The following AMBRA1 variants were observed in gnomAD, a reference collection of about 807,000 sequenced individuals.
AMBRA1 encodes the protein activating molecule in BECN1-regulated autophagy protein 1.
Under a neutral mutation model 125.4 loss-of-function variants are expected in AMBRA1, and 47 were observed. The ratio of observed to expected loss-of-function variants is 0.37; its 90% CI spans 0.30 to 0.48. The LOEUF is 0.48. Ranked by LOEUF, AMBRA1 falls within the 20% of genes least tolerant of loss-of-function variation. The pLI is 0.99. For missense variants in AMBRA1, 1,331 were observed against 1,693.4 expected, an observed-to-expected ratio of 0.79 and a Z score of 3.76; for synonymous variants, 626 against 655.5, an observed-to-expected ratio of 0.95 and a Z score of 0.69.
chr11:46,438,103 C>A (rs1028046875), intron 12 of AMBRA1, among the ~76,000 whole-genome samples: 2 of 152,104 alleles, frequency 1.3e-5, no homozygotes, highest in African/African-American at 4.8e-5. Flanking sequence ...GCATCTCCAG[C>A]AACTGGCTTT....
At chr11:46,448,466 T>C (rs1284883793) in intron 11 of AMBRA1, among the ~76,000 whole-genome samples, 1 of 152,136 alleles carries the variant, frequency 6.6e-6, no homozygotes, top group Non-Finnish European at 1.5e-5. Flanking sequence ...GTGAAAGCAG[T>C]GCTTAGAGGG....
At position 46,397,268 on chromosome 11, in the gene AMBRA1, C is replaced by CCTTGCCT. The variant is rs1423020684; in HGVS notation, c.*181_*182insAGGCAAG. On this transcript the variant is annotated 3_prime_UTR_variant, in exon 18 of 18. Coordinates refer to ENST00000683756, the MANE Select transcript of AMBRA1 (RefSeq NM_001387011.1). ...CCTGGAAGGTTCTAGTTCCCCGAGG[C>CCTTGCCT]AGGCCTTGCCCATTTGACTGTCTTG... 1.3e-6 allele frequency: 1 copy of CCTTGCCT among 765,070 alleles called. No homozygotes were observed. Among genetic ancestry groups the CCTTGCCT allele is most frequent in the African/African-American group, 1.8e-5 (1 of 55,898 alleles). 47.4% of individuals were successfully genotyped at this position (765,070 alleles called of 1,614,324 possible).
At chr11:46,576,318 G>A (rs2043959741) in intron 1 of AMBRA1, among the ~76,000 whole-genome samples, 1 of 152,116 alleles carries the variant, frequency 6.6e-6, no homozygotes, top group Non-Finnish European at 1.5e-5. Context: ...TTTGTAGACG[G>A]GGTCTCCGTA....
intron 1 of AMBRA1, among the ~76,000 whole-genome samples, chr11:46,565,008 C>T (rs1200048191): frequency 6.6e-6 from 1 of 152,068 alleles, no homozygotes. Context: ...TGTAATCCCA[C>T]CACTTTAGGA....
rs59904013 is a variant in AMBRA1, at chr11:46,527,477, CAAA to C, written c.2072+14465_2072+14467del. 4.2e-4 allele frequency among the ~76,000 whole-genome samples: 11 copies of C among 25,936 alleles called. No individual in the cohort carries two copies. The East Asian group carries it at 8.2e-3, about 19-fold the overall frequency. 17.0% of individuals were successfully genotyped at this position (25,936 alleles called of 152,430 possible). On this transcript the variant is annotated intron_variant, in intron 7 of 17. Transcript: ENST00000683756. ...CCTAGGTGACAAAGTGAGACTGTCT[CAAA>C]AAAAAAAAAAAAAAAAAAAAAAAAG...
chr11:46,487,245 G>A (rs979808334), intron 11 of AMBRA1, among the ~76,000 whole-genome samples: 4 of 150,978 alleles, frequency 2.6e-5, no homozygotes, highest in Non-Finnish European at 5.9e-5. Context: ...GCAACAGAGC[G>A]AGACCCCATC....
chr11:46,512,943 C>A, intron 7 of AMBRA1, 130 bp from the exon 8 acceptor site: 1 of 728,746 alleles, frequency 1.4e-6, no homozygotes, highest in Non-Finnish European at 2.2e-6. Flanking sequence ...TATCTGGGAT[C>A]ACACCCTTCT....
chr11:46,503,656 T>C (rs1950925862), intron 9 of AMBRA1, among the ~76,000 whole-genome samples: 1 of 152,200 alleles, frequency 6.6e-6, no homozygotes, highest in African/African-American at 2.4e-5. Context: ...TGCCTGTATT[T>C]GGTCACAATG....
chr11:46,470,233 G>A (rs1949524113), intron 11 of AMBRA1, among the ~76,000 whole-genome samples: 1 of 152,016 alleles, frequency 6.6e-6, no homozygotes, highest in Non-Finnish European at 1.5e-5. Context: ...CTTGAGCCAG[G>A]AGTTCAAGAC....
Position 46,583,477 on chromosome 11 carries a change from C to A in AMBRA1, c.-121+10351G>T, listed in dbSNP as rs2044249090. ...ATGTCTAAAACACCAAAAGCAATGG[C>A]AACAAAAGCCAAAATTGACAAATGG... On this transcript the variant is annotated intron_variant, in intron 1 of 17. Transcript: ENST00000683756. 2.0e-5 allele frequency among the ~76,000 whole-genome samples: 3 copies of A among 150,128 alleles called. No homozygotes were observed. The South Asian group carries it at 6.4e-4, about 32-fold the overall frequency.
rs531124609 is a variant in AMBRA1, at chr11:46,504,035, C to T, written c.2339+4156G>A. 3.9e-5 allele frequency among the ~76,000 whole-genome samples: 6 copies of T among 152,268 alleles called. No individual in the cohort carries two copies. In the East Asian group the frequency reaches 9.6e-4, roughly 24 times the overall value. On this transcript the variant is annotated intron_variant, in intron 9 of 17. Coordinates refer to ENST00000683756, the MANE Select transcript of AMBRA1 (RefSeq NM_001387011.1). ...TTTCAAGAAGCTGAATGTAATTATC[C>T]AGTGGCTAGTATATACGATGCAGAT... is the stretch of plus-strand genomic sequence containing the variant.
intron 1 of AMBRA1, among the ~76,000 whole-genome samples, chr11:46,572,002 C>T (rs1041438677): frequency 1.2e-4 from 18 of 152,176 alleles, no homozygotes; most frequent in African/African-American, 3.9e-4. Flanking sequence ...CAATCAATAT[C>T]TTAAAAAGTT....
At chr11:46,556,910 G>C (rs2043171582) in intron 1 of AMBRA1, among the ~76,000 whole-genome samples, 2 of 152,290 alleles carry the variant, frequency 1.3e-5, no homozygotes. Context: ...GCTGAGGCGG[G>C]TGGATCACCT....
At position 46,490,402 on chromosome 11, in the gene AMBRA1, AT is replaced by A. The variant is rs148784155; in HGVS notation, c.2521+3205del. ...AGACTATCAAAACACTTTTCTCTTT[AT>A]TTTTTAATATTTTAAAAATTCTTTT... On this transcript the variant is annotated intron_variant, in intron 11 of 17. Coordinates refer to ENST00000683756, the MANE Select transcript of AMBRA1 (RefSeq NM_001387011.1). 8.7e-3 allele frequency among the ~76,000 whole-genome samples: 1,318 copies of A among 152,220 alleles called. 10 individuals are homozygous for A. The highest frequency in any genetic ancestry group is 0.031 in the African/African-American group (1,271 of 41,532).
intron 7 of AMBRA1, among the ~76,000 whole-genome samples, chr11:46,534,478 A>C (rs1442705598): frequency 6.6e-6 from 1 of 152,126 alleles, no homozygotes; most frequent in Non-Finnish European, 1.5e-5. Context: ...CTGGGCAAGA[A>C]GAGCGAAACT....
chr11:46,460,083 C>T (rs187868663), intron 11 of AMBRA1, among the ~76,000 whole-genome samples: 6 of 152,284 alleles, frequency 3.9e-5, no homozygotes, highest in African/African-American at 1.2e-4. Flanking sequence ...TCTGTGTAAA[C>T]ATCTTAGAGA....
At position 46,529,096 on chromosome 11, in the gene AMBRA1, G is replaced by A. The variant is rs1364243279; in HGVS notation, c.2072+12849C>T. On this transcript the variant is annotated intron_variant, in intron 7 of 17. Transcript: ENST00000683756. ...TAACTTGATTTTAATTTCCTGGCAAGTGACACCCAAGTCATGCAGGCTTTT... is the reference window on the plus strand; with the variant it reads ...TAACTTGATTTTAATTTCCTGGCAAATGACACCCAAGTCATGCAGGCTTTT... Among the ~76,000 whole-genome samples, 4 of 152,306 alleles carry A rather than the reference G, an allele frequency of 2.6e-5. No individual in the cohort carries two copies. In the East Asian group the frequency reaches 5.8e-4, roughly 22 times the overall value.
chr11:46,569,357 G>A (rs945330899), intron 1 of AMBRA1, among the ~76,000 whole-genome samples: 2 of 147,422 alleles, frequency 1.4e-5, no homozygotes, highest in Non-Finnish European at 3.0e-5. Flanking sequence ...GTACCAAAAT[G>A]GGATCATATA....
chr11:46,581,299 C>T (rs987228783), intron 1 of AMBRA1, among the ~76,000 whole-genome samples: 24 of 151,666 alleles, frequency 1.6e-4, no homozygotes, highest in African/African-American at 5.8e-4. Flanking sequence ...ATGGTGAAAC[C>T]CTGTCGCTAC....
Sources: allele counts gnomAD v4.1 joint callset (sites outside exome capture counted in the v4.1 genomes callset), GRCh38; gene constraint gnomAD v4.1.1; transcripts MANE v1.5; gene names NCBI Gene and HGNC (gene_info 2026-07-23, HGNC 2026-07-21).